BCAR1: variants seen among roughly 807,000 people sequenced by gnomAD.
The protein encoded by BCAR1 is BCAR1 scaffold protein, Cas family member.
A neutral mutation model predicts 67.6 loss-of-function variants in BCAR1; 30 were observed. That is an observed-to-expected ratio of 0.44 (90% CI 0.33 to 0.60). The LOEUF is 0.60. Among genes scored for constraint, BCAR1 ranks in the 20% least tolerant of loss-of-function variants. BCAR1 has a pLI of 0.02. For missense variants in BCAR1, 1,313 were observed against 1,222.3 expected (o/e 1.07, Z -1.11); for synonymous variants, 626 against 556.7 (o/e 1.12, Z -1.75).
At chr16:75,264,372 T>A in intron 1 of BCAR1, 1 of 1,530,138 alleles carries the variant, frequency 6.5e-7, no homozygotes, top group East Asian at 2.5e-5. Context: ...CAGGCTCAGG[T>A]GGTCCGCCTT....
Position 75,234,907 on chromosome 16 carries a change from A to C in BCAR1, c.1992T>G (p.Tyr664Ter). Residue 664 changes from tyrosine to a stop codon, truncating the protein, a stop_gained, in exon 5 of 7, where the codon TAT becomes TAG. Transcript: ENST00000162330. LOFTEE classifies it high-confidence loss of function. ...CACCCACCTGTAGGTGGACGTAGTC[A>C]TAGTCCTCCATCCAGCCCCCCTCGC... is the stretch of plus-strand genomic sequence containing the variant. ...ENSEGGWMED[Y>*]DYVHLQGKEE... 6.5e-7 allele frequency: 1 copy of C among 1,540,708 alleles called. No homozygotes were observed. The highest frequency in any genetic ancestry group is 8.8e-7 in the Non-Finnish European group (1 of 1,139,144).
At chr16:75,267,453 C>T (rs2078025494) in intron 1 of BCAR1, among the ~76,000 whole-genome samples, 1 of 150,898 alleles carries the variant, frequency 6.6e-6, no homozygotes, top group Admixed American at 6.6e-5. Context: ...GCGCTCTGTG[C>T]ATGTCTGGCA....
At chr16:75,237,552 G>A (rs2077185033) in intron 2 of BCAR1, 3 of 581,546 alleles carry the variant, frequency 5.2e-6, no homozygotes, top group South Asian at 3.7e-5. Context: ...CAAGAACTCT[G>A]GGTTTTATTC....
At chr16:75,255,854 G>C (rs1054107271), upstream of BCAR1, among the ~76,000 whole-genome samples, 22 of 152,184 alleles carry the variant, frequency 1.4e-4, no homozygotes, top group Admixed American at 8.5e-4. Flanking sequence ...AGCCGGGCGT[G>C]GTGGCACATG....
intron 1 of BCAR1, chr16:75,263,880 G>A (rs11859224): frequency 0.039 from 39,767 of 1,016,852 alleles, 1,977 homozygotes; most frequent in African/African-American, 0.22. Flanking sequence ...CTTCAAGACT[G>A]TTCCAAAAAT....
chr16:75,232,851 T>C (rs2076948563), intron 6 of BCAR1, among the ~76,000 whole-genome samples: 1 of 152,240 alleles, frequency 6.6e-6, no homozygotes, highest in African/African-American at 2.4e-5. Context: ...CTCAGGCCCC[T>C]GCCTCTGCCA....
intron 1 of BCAR1, among the ~76,000 whole-genome samples, chr16:75,258,244 C>T (rs2077825210): frequency 6.6e-6 from 1 of 152,220 alleles, no homozygotes; most frequent in Non-Finnish European, 1.5e-5. Context: ...CCTCAGATGC[C>T]CTCAGCATCC....
chr16:75,248,130 G>A, intron 1 of BCAR1: 1 of 1,596,366 alleles, frequency 6.3e-7, no homozygotes, highest in Non-Finnish European at 8.5e-7. Flanking sequence ...AGAAGCAGCA[G>A]AGGCCGACCC....
intron 1 of BCAR1, among the ~76,000 whole-genome samples, chr16:75,261,177 A>C (rs1185018437): frequency 1.3e-5 from 2 of 152,176 alleles, no homozygotes; most frequent in Non-Finnish European, 2.9e-5. Context: ...AGAGAGGGAG[A>C]CAATGGCCCA....
Position 75,247,828 on chromosome 16 carries a change from G to A in BCAR1, c.12+3643C>T, listed in dbSNP as rs776414296. On this transcript the variant is annotated intron_variant, in intron 1 of 6. Transcript: ENST00000162330. ...CCCAGCAAATATGACCTCAGCACCC[G>A]CAAGCCAGCACAAGGTGGGAGCTGG... 115 of 573,730 alleles carry A rather than the reference G, an allele frequency of 2.0e-4. 1 individual carries two copies. Among genetic ancestry groups the A allele is most frequent in the South Asian group, 5.1e-4 (26 of 50,662 alleles). 35.5% of individuals were successfully genotyped at this position (573,730 alleles called of 1,614,324 possible). A position where few individuals can be genotyped will look rare whatever the true frequency, so the allele number is the denominator to read the frequency against.
At chr16:75,253,016 G>T (rs1044485389), upstream of BCAR1, among the ~76,000 whole-genome samples, 1 of 152,214 alleles carries the variant, frequency 6.6e-6, no homozygotes, top group African/African-American at 2.4e-5. Flanking sequence ...TCACAGCACA[G>T]CGGGTGAGGA....
At chr16:75,265,710 G>A in intron 1 of BCAR1, 4 of 1,151,410 alleles carry the variant, frequency 3.5e-6, no homozygotes, top group Non-Finnish European at 4.3e-6. Context: ...GGAGGCCCCA[G>A]TGAGGCGACC....
At chr16:75,243,888 G>T (rs554278505) in intron 1 of BCAR1, among the ~76,000 whole-genome samples, 2 of 152,252 alleles carry the variant, frequency 1.3e-5, no homozygotes, top group Non-Finnish European at 2.9e-5. Flanking sequence ...CCCTGCCGCT[G>T]CTGCCCCATC....
At chr16:75,241,697 C>T (rs1379221743) in intron 2 of BCAR1, among the ~76,000 whole-genome samples, 2 of 152,284 alleles carry the variant, frequency 1.3e-5, no homozygotes, top group East Asian at 1.9e-4. Context: ...CACCCATGGG[C>T]GGGGGTGGGG....
At chr16:75,256,319 C>CCCTGCTCTCGAGGGTGGAGTG (rs149617239), upstream of BCAR1, 68,573 of 151,906 alleles carry the variant, frequency 0.45, 16,948 homozygotes, top group East Asian at 0.81. Flanking sequence ...TCCCATCCTC[C>CCCTGCTCTCGAGGGTGGAGTG]ACTGCGGGGC....
intron 1 of BCAR1, among the ~76,000 whole-genome samples, chr16:75,262,060 C>T (rs1046767144): frequency 6.6e-6 from 1 of 152,192 alleles, no homozygotes; most frequent in Non-Finnish European, 1.5e-5. Context: ...TTCAGTAACT[C>T]ACTCAAGGCA....
chr16:75,262,893 G>A (rs571228273), intron 1 of BCAR1, among the ~76,000 whole-genome samples: 1 of 152,284 alleles, frequency 6.6e-6, no homozygotes, highest in East Asian at 1.9e-4. Context: ...TCATCTTCGG[G>A]AAGCCACAGG....
At chr16:75,262,514 A>G (rs982709155) in intron 1 of BCAR1, among the ~76,000 whole-genome samples, 6 of 152,192 alleles carry the variant, frequency 3.9e-5, no homozygotes, top group Admixed American at 1.3e-4. Flanking sequence ...GGACAGGCTG[A>G]GCCAAGGCCC....
chr16:75,234,816 G>A, intron 5 of BCAR1, 73 bp downstream of exon 5: 2 of 1,504,860 alleles, frequency 1.3e-6, no homozygotes, highest in Non-Finnish European at 1.8e-6. Context: ...CCCCAGCTGA[G>A]AACAAATCTC....
Sources: gnomAD v4.1 joint callset for allele counts (sites outside exome capture counted in the v4.1 genomes callset) on GRCh38, gnomAD v4.1.1 for gene constraint, MANE v1.5 for transcripts, NCBI Gene and HGNC (gene_info 2026-07-23, HGNC 2026-07-21) for gene names.